The following CHST11 variants were observed in gnomAD, a reference collection of about 807,000 sequenced individuals.
The protein encoded by CHST11 is carbohydrate sulfotransferase 11.
CHST11 carries 9 observed loss-of-function variants against 30.4 expected under a neutral mutation model. The observed-to-expected ratio is 0.30, with a 90% CI of 0.18 to 0.52. The LOEUF (loss-of-function observed/expected upper bound fraction) is 0.52. Among genes scored for constraint, CHST11 ranks in the 20% least tolerant of loss-of-function variants. The probability of loss-of-function intolerance (pLI) is 0.97; values close to 1 mark genes in which losing one functional copy is unlikely to be tolerated. For missense variants in CHST11, 348 were observed against 460.6 expected (o/e 0.76, Z 2.24); for synonymous variants, 152 against 187.8 (o/e 0.81, Z 1.56).
At chr12:104,700,776 A>T (rs908019311) in intron 2 of CHST11, among the ~76,000 whole-genome samples, 1 of 152,230 alleles carries the variant, frequency 6.6e-6, no homozygotes, top group Non-Finnish European at 1.5e-5. Context: ...GGAGAATGGC[A>T]TAATGAAAGG....
Position 104,638,312 on chromosome 12 carries a change from A to ATGTG in CHST11, c.204+36338_204+36341dup, listed in dbSNP as rs3039210. Among the ~76,000 whole-genome samples, 576 of 151,070 alleles carry ATGTG rather than the reference A, an allele frequency of 3.8e-3. 2 individuals carry two copies. Among genetic ancestry groups the ATGTG allele is most frequent in the Middle Eastern group, 0.017 (5 of 292 alleles). ...TTTCATTTTGTATATGTGTGAACAG[A>ATGTG]TGTGTGTGTGTGTGTGTGTGAAGTT... On this transcript the variant is annotated intron_variant, in intron 2 of 2. Transcript: ENST00000303694.
intron 2 of CHST11, among the ~76,000 whole-genome samples, chr12:104,657,355 A>T (rs564853689): frequency 6.6e-6 from 1 of 152,280 alleles, no homozygotes; most frequent in Admixed American, 6.5e-5. Context: ...AAGCCTTGCT[A>T]TGTTTAGCTA....
chr12:104,679,482 A>G (rs576377722), intron 2 of CHST11, among the ~76,000 whole-genome samples: 1 of 152,152 alleles, frequency 6.6e-6, no homozygotes, highest in African/African-American at 2.4e-5. Flanking sequence ...CTGGAGTCAG[A>G]TCTTCTTCTT....
At chr12:104,710,804 A>G (rs2040081087) in intron 2 of CHST11, among the ~76,000 whole-genome samples, 2 of 152,194 alleles carry the variant, frequency 1.3e-5, no homozygotes, top group Admixed American at 1.3e-4. Flanking sequence ...CCATAGGTAT[A>G]TGGGCAGGTG....
rs2040239561 is a variant in CHST11, at chr12:104,729,469, C to T, written c.205-27480C>T. ...AATGATTTGTGAAGAATGCAGATTCCTGTGCCCAGATTGGGTTTCTGGGAG... is the reference window on the plus strand; with the variant it reads ...AATGATTTGTGAAGAATGCAGATTCTTGTGCCCAGATTGGGTTTCTGGGAG... On this transcript the variant is annotated intron_variant, in intron 2 of 2. Coordinates refer to ENST00000303694, the MANE Select transcript of CHST11 (RefSeq NM_018413.6). This position sits in a 1 kb window ranked among gnomAD's most constrained non-coding sequence, Gnocchi z 4.0. Among the ~76,000 whole-genome samples, 1 of 152,154 alleles carries T rather than the reference C, an allele frequency of 6.6e-6. No individual in the cohort carries two copies. The highest frequency in any genetic ancestry group is 2.4e-5 in the African/African-American group (1 of 41,420).
intron 2 of CHST11, among the ~76,000 whole-genome samples, chr12:104,696,953 T>C (rs1444984799): frequency 6.6e-6 from 1 of 152,244 alleles, no homozygotes; most frequent in Non-Finnish European, 1.5e-5. Flanking sequence ...GATCCCTCAG[T>C]CTGTTCCAAT....
chr12:104,469,269 CA>C (rs2037485937), intron 1 of CHST11, among the ~76,000 whole-genome samples: 1 of 152,194 alleles, frequency 6.6e-6, no homozygotes, highest in African/African-American at 2.4e-5. Flanking sequence ...CTGCCAAGGC[CA>C]AAACTGTGTA....
At chr12:104,556,681 C>A (rs942156763) in intron 1 of CHST11, among the ~76,000 whole-genome samples, 2 of 152,144 alleles carry the variant, frequency 1.3e-5, no homozygotes, top group Admixed American at 1.3e-4. Flanking sequence ...TCTCTGTATT[C>A]AGATTTCCCT....
chr12:104,592,324 T>A (rs1015717170), intron 1 of CHST11, among the ~76,000 whole-genome samples: 1 of 152,210 alleles, frequency 6.6e-6, no homozygotes, highest in African/African-American at 2.4e-5. Flanking sequence ...AGAAATTTAT[T>A]CCTCACAGTT....
chr12:104,630,860 T>C (rs1028536948), intron 2 of CHST11, among the ~76,000 whole-genome samples: 3 of 152,218 alleles, frequency 2.0e-5, no homozygotes, highest in Non-Finnish European at 4.4e-5. Context: ...TGGCAACTTG[T>C]GTCAGCAGCT....
chr12:104,537,373 G>A (rs538353273), intron 1 of CHST11, among the ~76,000 whole-genome samples: 21 of 152,102 alleles, frequency 1.4e-4, no homozygotes, highest in African/African-American at 4.8e-4. Context: ...CCAGCATGTG[G>A]CTTTCCACGA....
chr12:104,635,288 C>T (rs997459826), intron 2 of CHST11, among the ~76,000 whole-genome samples: 7 of 152,194 alleles, frequency 4.6e-5, no homozygotes, highest in African/African-American at 1.7e-4. Context: ...GTGAGACTCT[C>T]CACATTTTCA....
intron 2 of CHST11, among the ~76,000 whole-genome samples, chr12:104,753,660 G>A (rs537181744): frequency 9.2e-5 from 14 of 152,282 alleles, no homozygotes; most frequent in Non-Finnish European, 1.9e-4. Flanking sequence ...ATTCTCTGTG[G>A]GACCCAGAAA....
At chr12:104,503,187 A>G (rs1331684070) in intron 1 of CHST11, among the ~76,000 whole-genome samples, 2 of 152,244 alleles carry the variant, frequency 1.3e-5, no homozygotes, top group African/African-American at 4.8e-5. Flanking sequence ...GCCTGTCTCT[A>G]TCCTAACCCC....
At chr12:104,680,455 C>T (rs183136159) in intron 2 of CHST11, among the ~76,000 whole-genome samples, 5 of 152,310 alleles carry the variant, frequency 3.3e-5, no homozygotes, top group Admixed American at 2.6e-4. Flanking sequence ...GCCAGGCAGG[C>T]ACACAGGGGC....
intron 2 of CHST11, among the ~76,000 whole-genome samples, chr12:104,647,753 A>C (rs1468292994): frequency 1.3e-5 from 2 of 152,162 alleles, no homozygotes; most frequent in African/African-American, 2.4e-5. Flanking sequence ...CAGGAATTTG[A>C]GAGTGGCTTA....
intron 1 of CHST11, among the ~76,000 whole-genome samples, chr12:104,522,010 T>A (rs2038078262): frequency 6.6e-6 from 1 of 152,158 alleles, no homozygotes; most frequent in African/African-American, 2.4e-5. Flanking sequence ...AATTCGACTC[T>A]CCTGGAGCTT....
chr12:104,518,936 T>C (rs1436870983), intron 1 of CHST11, among the ~76,000 whole-genome samples: 3 of 151,888 alleles, frequency 2.0e-5, no homozygotes, highest in Non-Finnish European at 4.4e-5. Flanking sequence ...ATAGAAACCA[T>C]TTTTTTCTTA....
chr12:104,501,758 G>A (rs2037855854), intron 1 of CHST11, among the ~76,000 whole-genome samples: 2 of 152,182 alleles, frequency 1.3e-5, no homozygotes, highest in Non-Finnish European at 2.9e-5. Context: ...CCAGATGCTG[G>A]GTGAAGGAGT....
Sources: allele counts gnomAD v4.1 joint callset (sites outside exome capture counted in the v4.1 genomes callset), GRCh38; gene constraint gnomAD v4.1.1; non-coding constraint Gnocchi (gnomAD v3.1); transcripts MANE v1.5; gene names NCBI Gene and HGNC (gene_info 2026-07-23, HGNC 2026-07-21).